The following BMPR1B variants were observed in gnomAD, a reference collection of about 807,000 sequenced individuals.
BMPR1B encodes the protein bone morphogenetic protein receptor type 1B.
Under a neutral mutation model 59.1 loss-of-function variants are expected in BMPR1B, and 12 were observed. The observed-to-expected ratio is 0.20, with a 90% CI of 0.13 to 0.33. The LOEUF (loss-of-function observed/expected upper bound fraction) is 0.33. BMPR1B is among the 10% of genes least tolerant of loss of function. BMPR1B has a pLI of 1.00. For missense variants in BMPR1B, 550 were observed against 610.9 expected (o/e 0.90, Z 1.05); for synonymous variants, 237 against 207.3 (o/e 1.14, Z -1.23).
At chr4:95,139,780 G>T (rs934818711) in intron 10 of BMPR1B, among the ~76,000 whole-genome samples, 6 of 152,202 alleles carry the variant, frequency 3.9e-5, no homozygotes, top group African/African-American at 1.4e-4. Context: ...TAAGACTGTT[G>T]GAAAAGTGCA....
intron 1 of BMPR1B, among the ~76,000 whole-genome samples, chr4:94,798,752 T>C (rs553273621): frequency 6.6e-6 from 1 of 152,184 alleles, no homozygotes; most frequent in Admixed American, 6.5e-5. Flanking sequence ...GTGGGAGAGA[T>C]TGAGAGTTGC....
At chr4:95,082,506 A>G (rs116557069) in intron 3 of BMPR1B, among the ~76,000 whole-genome samples, 228 of 152,166 alleles carry the variant, frequency 1.5e-3, no homozygotes, top group African/African-American at 5.3e-3. Flanking sequence ...GGACTACATT[A>G]AATAAGATTT....
Position 95,032,252 on chromosome 4 carries a change from GGAGA to G in BMPR1B, c.-18+36130_-18+36133del, listed in dbSNP as rs148968296. ...TTTGCTGTGTCCTCACATGACTGGGGGAGAGAGAGAGAGAGTGAGAGAGAGCGGG... is the reference window on the plus strand; with the variant it reads ...TTTGCTGTGTCCTCACATGACTGGGGGAGAGAGAGAGTGAGAGAGAGCGGG... On this transcript the variant is annotated intron_variant, in intron 3 of 12. Transcript: ENST00000515059. Among the ~76,000 whole-genome samples, 810 of 151,488 alleles carry G rather than the reference GGAGA, an allele frequency of 5.3e-3. 2 individuals carry two copies. Among genetic ancestry groups the G allele is most frequent in the Non-Finnish European group, 7.5e-3 (510 of 67,816 alleles).
At chr4:95,092,619 T>C (rs1730074229) in intron 3 of BMPR1B, among the ~76,000 whole-genome samples, 2 of 152,122 alleles carry the variant, frequency 1.3e-5, no homozygotes, top group African/African-American at 4.8e-5. Flanking sequence ...TATTTGAATA[T>C]TTTAAAGTCA....
intron 10 of BMPR1B, among the ~76,000 whole-genome samples, chr4:95,134,223 T>A (rs1195906898): frequency 2.0e-5 from 3 of 152,212 alleles, no homozygotes; most frequent in Non-Finnish European, 4.4e-5. Flanking sequence ...CATGGCTGCA[T>A]AGTATTCCAT....
At chr4:95,082,374 C>T (rs929129241) in intron 3 of BMPR1B, among the ~76,000 whole-genome samples, 14 of 152,132 alleles carry the variant, frequency 9.2e-5, no homozygotes, top group African/African-American at 3.4e-4. Flanking sequence ...GAGCACAGAG[C>T]TTTACTTCCA....
chr4:95,013,786 T>A (rs1383225533), intron 3 of BMPR1B, among the ~76,000 whole-genome samples: 1 of 152,238 alleles, frequency 6.6e-6, no homozygotes, highest in Non-Finnish European at 1.5e-5. Flanking sequence ...CTACTTATTA[T>A]ATGTTTGCTT....
chr4:95,058,604 CA>C (rs1426605757), intron 3 of BMPR1B, among the ~76,000 whole-genome samples: 3 of 152,160 alleles, frequency 2.0e-5, no homozygotes, highest in African/African-American at 7.2e-5. Flanking sequence ...ACCTTCAATA[CA>C]AGCTATGCCA....
At chr4:95,087,439 A>G (rs1188549416) in intron 3 of BMPR1B, among the ~76,000 whole-genome samples, 1 of 152,070 alleles carries the variant, frequency 6.6e-6, no homozygotes, top group East Asian at 1.9e-4. Flanking sequence ...TCATTTAGAA[A>G]TTACCTCTCA....
chr4:94,799,209 G>T (rs1029882392), intron 1 of BMPR1B, among the ~76,000 whole-genome samples: 1 of 149,564 alleles, frequency 6.7e-6, no homozygotes, highest in Non-Finnish European at 1.5e-5. Flanking sequence ...ATGCAGAAAA[G>T]ACCTTATCTT....
chr4:94,906,898 A>G (rs1249524271), intron 2 of BMPR1B, among the ~76,000 whole-genome samples: 2 of 152,082 alleles, frequency 1.3e-5, no homozygotes, highest in Non-Finnish European at 2.9e-5. Flanking sequence ...AAACAAGATC[A>G]TTTATATTAT....
chr4:94,914,051 A>G (rs17022558), intron 2 of BMPR1B, among the ~76,000 whole-genome samples: 7,299 of 152,214 alleles, frequency 0.048, 545 homozygotes, highest in African/African-American at 0.17. Context: ...GGAGGTAGAT[A>G]AAATGCTTTG....
At chr4:95,088,220 A>G (rs1729733057) in intron 3 of BMPR1B, among the ~76,000 whole-genome samples, 3 of 152,194 alleles carry the variant, frequency 2.0e-5, no homozygotes, top group South Asian at 2.1e-4. Context: ...CACTGTTTAT[A>G]GTATAATAGC....
chr4:94,779,034 A>G (rs1005573889), intron 1 of BMPR1B, among the ~76,000 whole-genome samples: 3 of 152,062 alleles, frequency 2.0e-5, no homozygotes, highest in African/African-American at 7.2e-5. Context: ...AATGTAGTCA[A>G]ATTTTTCATT....
intron 11 of BMPR1B, among the ~76,000 whole-genome samples, chr4:95,150,830 GTTAC>G (rs749575340): frequency 3.9e-4 from 60 of 152,318 alleles, no homozygotes; most frequent in Non-Finnish European, 3.1e-4. Context: ...ACTTGGGCAA[GTTAC>G]TTAACCCCTG....
intron 2 of BMPR1B, among the ~76,000 whole-genome samples, chr4:94,942,891 ACTAT>A (rs1236177323): frequency 6.6e-6 from 1 of 152,190 alleles, no homozygotes; most frequent in Non-Finnish European, 1.5e-5. Flanking sequence ...GATCTAGGGA[ACTAT>A]CTAACACTTT....
At chr4:94,919,003 G>C (rs1728589243) in intron 2 of BMPR1B, among the ~76,000 whole-genome samples, 1 of 151,988 alleles carries the variant, frequency 6.6e-6, no homozygotes, top group Non-Finnish European at 1.5e-5. Context: ...CTAGTCATTT[G>C]GGTCACATGT....
At chr4:95,082,787 C>T (rs1044110645) in intron 3 of BMPR1B, among the ~76,000 whole-genome samples, 4 of 151,914 alleles carry the variant, frequency 2.6e-5, no homozygotes, top group African/African-American at 9.7e-5. Context: ...GCCTGTAATC[C>T]CAGCACTTTG....
At chr4:95,108,188 A>G (rs1268952326) in intron 4 of BMPR1B, among the ~76,000 whole-genome samples, 3 of 152,106 alleles carry the variant, frequency 2.0e-5, no homozygotes, top group African/African-American at 4.8e-5. Flanking sequence ...AGATTGCTAT[A>G]CAAGTTTTCA....
Sources: gnomAD v4.1 joint callset for allele counts (sites outside exome capture counted in the v4.1 genomes callset) on GRCh38, gnomAD v4.1.1 for gene constraint, MANE v1.5 for transcripts, NCBI Gene and HGNC (gene_info 2026-07-23, HGNC 2026-07-21) for gene names.